ZNF76: variants seen among roughly 807,000 people sequenced by gnomAD.
The protein encoded by ZNF76 is zinc finger protein 523.
A neutral mutation model predicts 66.9 loss-of-function variants in ZNF76; 66 were observed. That is an observed-to-expected ratio of 0.99 (90% CI 0.81 to 1.21). ZNF76 has a LOEUF of 1.21. Among genes scored for constraint, ZNF76 ranks in the 50% most tolerant of loss-of-function variants. ZNF76 has a pLI of 0.00. For synonymous variants in ZNF76, 275 were observed against 296.1 expected (o/e 0.93, Z 0.73); for missense variants, 729 against 760.3 (o/e 0.96, Z 0.48).
At chr6:35,263,617 G>A (rs763084693) in intron 1 of ZNF76, among the ~76,000 whole-genome samples, 8 of 152,136 alleles carry the variant, frequency 5.3e-5, no homozygotes, top group Non-Finnish European at 8.8e-5. Flanking sequence ...TGCTGTGGGT[G>A]GATTTTAAAA....
chr6:35,271,819 T>C (rs945589653), intron 1 of ZNF76, among the ~76,000 whole-genome samples: 2 of 152,186 alleles, frequency 1.3e-5, no homozygotes, highest in African/African-American at 4.8e-5. Context: ...CCAGGCACAG[T>C]GGCTGATGCC....
intron 6 of ZNF76, 120 bp from the exon 7 acceptor site, chr6:35,290,521 A>G: frequency 1.3e-6 from 2 of 1,521,086 alleles, no homozygotes; most frequent in Non-Finnish European, 1.8e-6. Context: ...GAATGCCAGC[A>G]CAGAGCGCTT....
chr6:35,269,274 C>A (rs1048814207), intron 1 of ZNF76, among the ~76,000 whole-genome samples: 6 of 76,564 alleles, frequency 7.8e-5, no homozygotes, highest in African/African-American at 3.7e-4. Flanking sequence ...GAGCGAGACT[C>A]TGTCTCAAAA....
chr6:35,268,858 C>T (rs1265810303), intron 1 of ZNF76, among the ~76,000 whole-genome samples: 1 of 151,836 alleles, frequency 6.6e-6, no homozygotes, highest in Non-Finnish European at 1.5e-5. Context: ...ATGGCCCTAA[C>T]CTGTTTTGAG....
In ZNF76 at chr6:35,260,493, C is replaced by T. The variant is rs375660538; in HGVS notation, c.-97+652C>T. ...CCTAAAATCACCCCCACTGGCATCT[C>T]TCTCTGCGATCCCAGCCCTTCAGTG... On this transcript the variant is annotated intron_variant, in intron 1 of 13. Coordinates refer to ENST00000373953, the MANE Select transcript of ZNF76 (RefSeq NM_003427.5). 7.9e-5 allele frequency among the ~76,000 whole-genome samples: 12 copies of T among 152,344 alleles called. No homozygotes were observed. The South Asian group carries it at 1.2e-3, about 16-fold the overall frequency.
intron 1 of ZNF76, among the ~76,000 whole-genome samples, chr6:35,268,094 G>A (rs2267658): frequency 0.79 from 119,673 of 152,108 alleles, 47,724 homozygotes; most frequent in Non-Finnish European, 0.85. Context: ...ATGTAACCTA[G>A]TAGTATTAAT....
Position 35,293,894 on chromosome 6 carries a change from C to A in ZNF76, c.1473C>A (p.Ala491=). The A allele has an allele frequency of 6.2e-7, 1 of 1,614,106 alleles. No homozygotes were observed. The highest frequency in any genetic ancestry group is 8.5e-7 in the Non-Finnish European group (1 of 1,180,010). The part of the protein sequence containing the change: ...SGTHTVTMVS[A]DGTQTQPVTI... ...CACATACAGTCACCATGGTCAGCGCCGATGGCACCCAGACGCAGCCCGTAT... is the reference window on the plus strand; with the variant it reads ...CACATACAGTCACCATGGTCAGCGCAGATGGCACCCAGACGCAGCCCGTAT... The change falls in exon 12 of 14, where the codon GCC becomes GCA. Residue 491 remains alanine, a synonymous_variant. Coordinates refer to ENST00000373953, the MANE Select transcript of ZNF76 (RefSeq NM_003427.5).
rs983816411 is a variant in ZNF76 at position 35,269,514 on chromosome 6, C to G, written c.-97+9673C>G. Among the ~76,000 whole-genome samples the G allele has an allele frequency of 2.0e-5, 3 of 152,278 alleles. No homozygotes were observed. The South Asian group carries it at 6.2e-4, about 32-fold the overall frequency. ...AGAAGGCCAGATACAACTTGTTACC[C>G]TGGTACTATCTCACTTCATCACTTC... On this transcript the variant is annotated intron_variant, in intron 1 of 13. Coordinates refer to ENST00000373953, the MANE Select transcript of ZNF76 (RefSeq NM_003427.5).
chr6:35,280,093 A>AGG (rs1788538738), intron 1 of ZNF76, among the ~76,000 whole-genome samples: 1 of 151,914 alleles, frequency 6.6e-6, no homozygotes, highest in Non-Finnish European at 1.5e-5. Context: ...AGCCTCCCAA[A>AGG]GCACTGGGAT....
chr6:35,285,093 G>A (rs1021196347), intron 2 of ZNF76, among the ~76,000 whole-genome samples: 3 of 152,168 alleles, frequency 2.0e-5, no homozygotes, highest in Non-Finnish European at 4.4e-5. Context: ...TGGACACAAG[G>A]AAGGGTCGTC....
chr6:35,290,474 C>A, intron 6 of ZNF76, 92 bp downstream of exon 6: 1 of 1,568,674 alleles, frequency 6.4e-7, no homozygotes, highest in Admixed American at 1.8e-5. Context: ...TGGTCCCTGC[C>A]CTCACGTTGC....
At chr6:35,284,244 A>G (rs1435814350) in intron 2 of ZNF76, among the ~76,000 whole-genome samples, 2 of 134,124 alleles carry the variant, frequency 1.5e-5, no homozygotes, top group Admixed American at 7.6e-5. Context: ...GGCATGTGCC[A>G]TCACGCCTGG....
At chr6:35,267,094 C>T (rs977373595) in intron 1 of ZNF76, among the ~76,000 whole-genome samples, 11 of 151,518 alleles carry the variant, frequency 7.3e-5, no homozygotes, top group African/African-American at 1.9e-4. Context: ...CCACTGCATC[C>T]GGCCCCTTAT....
In ZNF76 at chr6:35,287,793, A is replaced by G. The variant is rs1489275341; in HGVS notation, c.380A>G (p.Asp127Gly). The G allele has an allele frequency of 1.9e-6, 3 of 1,613,292 alleles. No homozygotes were observed. Among genetic ancestry groups the G allele is most frequent in the African/African-American group, 1.3e-5 (1 of 75,010 alleles). ...VGLEDLAAED[D>G]EGFSADAVVA... ...TTGGAGGACCTGGCAGCAGAGGATG[A>G]TGAGGGCTTCAGTGCAGACGCAGTG... Residue 127 changes from aspartate (D) to glycine (G), a missense_variant, in exon 5 of 14, where the codon GAT becomes GGT. By Grantham distance (94) the Asp-to-Gly change is moderately conservative. Coordinates refer to ENST00000373953, the MANE Select transcript of ZNF76 (RefSeq NM_003427.5). The surrounding 1 kb of genome is among the most constrained non-coding windows in gnomAD (Gnocchi z 4.0).
chr6:35,285,157 G>A (rs959499261), intron 2 of ZNF76, among the ~76,000 whole-genome samples: 8 of 152,206 alleles, frequency 5.3e-5, no homozygotes, highest in African/African-American at 1.9e-4. Context: ...GGTAAAGGAA[G>A]AGTAATATCT....
At chr6:35,278,604 G>A (rs537547064) in intron 1 of ZNF76, among the ~76,000 whole-genome samples, 3 of 152,224 alleles carry the variant, frequency 2.0e-5, no homozygotes, top group Admixed American at 6.5e-5. Context: ...CAAAGATATC[G>A]GTTGGTAAGT....
At chr6:35,290,927 G>T in intron 7 of ZNF76, 1 of 612,660 alleles carries the variant, frequency 1.6e-6, no homozygotes, top group South Asian at 2.0e-5. Context: ...TGGAGGGTTG[G>T]TGGAGAGACC....
At chr6:35,294,681 C>G (rs1405160520) in intron 13 of ZNF76, 112 bp downstream of exon 13, 1 of 786,490 alleles carries the variant, frequency 1.3e-6, no homozygotes, top group Non-Finnish European at 2.2e-6. Context: ...CAAAAAGAGC[C>G]CATTTCAGAG....
intron 4 of ZNF76, 182 bp downstream of exon 4, chr6:35,286,581 G>A: frequency 3.1e-6 from 2 of 642,346 alleles, no homozygotes; most frequent in South Asian, 1.8e-5. Context: ...GCAGACCACA[G>A]GAGCAGCTAT....
Sources: allele counts gnomAD v4.1 joint callset (sites outside exome capture counted in the v4.1 genomes callset), GRCh38; gene constraint gnomAD v4.1.1; non-coding constraint Gnocchi (gnomAD v3.1); transcripts MANE v1.5; gene names NCBI Gene and HGNC (gene_info 2026-07-23, HGNC 2026-07-21).